ROBO1: variants seen among roughly 807,000 people sequenced by gnomAD.
ROBO1 encodes the protein roundabout guidance receptor 1.
A neutral mutation model predicts 195.9 loss-of-function variants in ROBO1; 149 were observed. The ratio of observed to expected loss-of-function variants is 0.76; its 90% CI spans 0.67 to 0.87. ROBO1 has a LOEUF of 0.87. Among genes scored for constraint, ROBO1 ranks in the 40% least tolerant of loss-of-function variants. The pLI, the probability that ROBO1 is intolerant of heterozygous loss-of-function variation, is 0.00. For synonymous variants in ROBO1, 816 were observed against 733.2 expected, an observed-to-expected ratio of 1.11 and a Z score of -1.82; for missense variants, 1,933 against 2,068.3, an observed-to-expected ratio of 0.93 and a Z score of 1.27.
At chr3:79,262,272 T>C (rs1193481561) in intron 2 of ROBO1, among the ~76,000 whole-genome samples, 1 of 151,980 alleles carries the variant, frequency 6.6e-6, no homozygotes, top group Non-Finnish European at 1.5e-5. Flanking sequence ...CAGCAGGAAA[T>C]GGGGGCTCTT....
intron 1 of ROBO1, among the ~76,000 whole-genome samples, chr3:79,710,658 A>G (rs1472512888): frequency 6.6e-6 from 1 of 152,156 alleles, no homozygotes; most frequent in Admixed American, 6.6e-5. Context: ...ATAACACTAC[A>G]GTAATAGTGT....
rs143213020 is a variant in ROBO1, at chr3:79,694,767, C to A, written c.-51+72985G>T. Among the ~76,000 whole-genome samples, 1,151 of 151,670 alleles carry A rather than the reference C, an allele frequency of 7.6e-3. 12 individuals carry two copies. The highest frequency in any genetic ancestry group is 0.013 in the Admixed American group (202 of 15,154). On this transcript the variant is annotated intron_variant, in intron 1 of 30. Transcript: ENST00000464233. ...ACAACATACAATATATGAAACATTTCTTCATATTAACAAGTGTGCAGAAAT... is the reference window on the plus strand; with the variant it reads ...ACAACATACAATATATGAAACATTTATTCATATTAACAAGTGTGCAGAAAT...
intron 4 of ROBO1, among the ~76,000 whole-genome samples, chr3:78,860,171 A>AT (rs1370747542): frequency 6.6e-6 from 1 of 151,100 alleles, no homozygotes; most frequent in African/African-American, 2.4e-5. Context: ...AGATAGATAG[A>AT]TAGATAGATA....
intron 2 of ROBO1, chr3:79,526,655 T>C (rs1034124239): frequency 6.6e-6 from 1 of 152,196 alleles, no homozygotes; most frequent in African/African-American, 2.4e-5. Flanking sequence ...ATCCAAGAAT[T>C]TGTGAAGTTC....
At chr3:79,161,148 T>A (rs974623501) in intron 2 of ROBO1, among the ~76,000 whole-genome samples, 1 of 152,182 alleles carries the variant, frequency 6.6e-6, no homozygotes, top group African/African-American at 2.4e-5. Flanking sequence ...GTATAATTGG[T>A]ACTTAATTAT....
intron 2 of ROBO1, among the ~76,000 whole-genome samples, chr3:79,184,923 C>T (rs1411856784): frequency 1.3e-5 from 2 of 152,132 alleles, no homozygotes; most frequent in African/African-American, 4.8e-5. Flanking sequence ...GTCCCTTTTC[C>T]TTCTTTCCTT....
intron 2 of ROBO1, among the ~76,000 whole-genome samples, chr3:79,490,459 C>T (rs1480068234): frequency 6.6e-6 from 1 of 152,168 alleles, no homozygotes; most frequent in Non-Finnish European, 1.5e-5. Flanking sequence ...TTTGACCAGT[C>T]TCTGCCCAAT....
rs369626856 is a variant in ROBO1, at chr3:78,963,621, C to T, written c.173-24694G>A. Among the ~76,000 whole-genome samples, 13 of 149,860 alleles carry T rather than the reference C, an allele frequency of 8.7e-5. No homozygotes were observed. The East Asian group carries it at 2.6e-3, about 30-fold the overall frequency. ...GCAAGCTCCGCCTCCCGGGTTCACG[C>T]CATTCTCCTGCCTCAGCCTCCGGAG... On this transcript the variant is annotated intron_variant, in intron 3 of 30. Transcript: ENST00000464233.
intron 2 of ROBO1, among the ~76,000 whole-genome samples, chr3:79,447,871 G>C (rs570691974): frequency 1.3e-5 from 2 of 152,122 alleles, no homozygotes; most frequent in African/African-American, 4.8e-5. Context: ...TGGGTGGTGG[G>C]GTTAACCTAC....
At chr3:78,788,440 T>TTTTAA (rs1553728992) in intron 4 of ROBO1, among the ~76,000 whole-genome samples, 1 of 75,756 alleles carries the variant, frequency 1.3e-5, no homozygotes, top group Non-Finnish European at 2.5e-5. Flanking sequence ...TTTTTTTTTT[T>TTTTAA]AAAAAAAAAA....
At chr3:79,536,444 T>C (rs1941866952) in intron 2 of ROBO1, among the ~76,000 whole-genome samples, 1 of 152,220 alleles carries the variant, frequency 6.6e-6, no homozygotes, top group Admixed American at 6.5e-5. Context: ...TGATAATTTC[T>C]GCATTTCTTC....
intron 4 of ROBO1, among the ~76,000 whole-genome samples, chr3:78,856,555 TG>T (rs543134562): frequency 1.6e-3 from 237 of 151,836 alleles, no homozygotes; most frequent in African/African-American, 5.4e-3. Flanking sequence ...AACCAATAAT[TG>T]CAAGAGTCCA....
intron 2 of ROBO1, among the ~76,000 whole-genome samples, chr3:79,543,399 G>A (rs1462963047): frequency 6.6e-6 from 1 of 151,988 alleles, no homozygotes; most frequent in Non-Finnish European, 1.5e-5. Flanking sequence ...TTGCACAGGG[G>A]TATGAAATTA....
At chr3:79,540,581 T>C (rs1000501424) in intron 2 of ROBO1, among the ~76,000 whole-genome samples, 8 of 152,138 alleles carry the variant, frequency 5.3e-5, no homozygotes, top group Admixed American at 3.3e-4. Flanking sequence ...AAACAACACA[T>C]GCATTTCAGA....
intron 1 of ROBO1, among the ~76,000 whole-genome samples, chr3:79,738,071 G>A (rs1347568379): frequency 2.0e-5 from 3 of 152,128 alleles, no homozygotes; most frequent in Admixed American, 2.0e-4. Flanking sequence ...CCTGGGGAAT[G>A]TGTAAAAGTT....
At chr3:78,853,148 T>C (rs2034178378) in intron 4 of ROBO1, among the ~76,000 whole-genome samples, 1 of 151,906 alleles carries the variant, frequency 6.6e-6, no homozygotes, top group Non-Finnish European at 1.5e-5. Flanking sequence ...AAGACAGTTC[T>C]GGGAGTCATC....
rs116485053 is a variant in ROBO1, at chr3:79,594,809, G to A, written c.-50-4848C>T. On this transcript the variant is annotated intron_variant, in intron 1 of 30. Coordinates refer to ENST00000464233, the MANE Select transcript of ROBO1 (RefSeq NM_002941.4). ...TCAACATTATCACCAACTTCAAATA[G>A]CATCCGGTGAAATTCCTCCAGGGTA... Among the ~76,000 whole-genome samples, 318 of 152,022 alleles carry A rather than the reference G, an allele frequency of 2.1e-3. 2 individuals carry two copies. Among genetic ancestry groups the A allele is most frequent in the African/African-American group, 7.1e-3 (293 of 41,514 alleles).
At chr3:79,229,677 C>T (rs1331685590) in intron 2 of ROBO1, among the ~76,000 whole-genome samples, 1 of 152,038 alleles carries the variant, frequency 6.6e-6, no homozygotes, top group Admixed American at 6.6e-5. Context: ...CAAACCCCTC[C>T]CCAAATGCTG....
intron 2 of ROBO1, among the ~76,000 whole-genome samples, chr3:79,134,923 G>A: frequency 7.5e-6 from 1 of 132,916 alleles, no homozygotes. Context: ...AGCATTGGGA[G>A]ATATACCTAA....
Sources: allele counts gnomAD v4.1 joint callset (sites outside exome capture counted in the v4.1 genomes callset), GRCh38; gene constraint gnomAD v4.1.1; transcripts MANE v1.5; gene names NCBI Gene and HGNC (gene_info 2026-07-23, HGNC 2026-07-21).